Variants in MAP3K1 observed in about 807,000 individuals in gnomAD.
The protein encoded by MAP3K1 is mitogen-activated protein kinase kinase kinase 1, also known as MAP/ERK kinase kinase 1.
A neutral mutation model predicts 144.2 loss-of-function variants in MAP3K1; 36 were observed. The ratio of observed to expected loss-of-function variants is 0.25; its 90% CI spans 0.19 to 0.33. The LOEUF (loss-of-function observed/expected upper bound fraction) is 0.33. Among genes scored for constraint, MAP3K1 ranks in the 10% least tolerant of loss-of-function variants. The probability of loss-of-function intolerance (pLI) is 1.00; values close to 1 mark genes in which losing one functional copy is unlikely to be tolerated. For missense variants in MAP3K1, 1,650 were observed against 1,881.9 expected (o/e 0.88, Z 2.28); for synonymous variants, 718 against 688.7 (o/e 1.04, Z -0.67).
chr5:56,864,662 C>T lies in MAP3K1; in HGVS notation c.835-72C>T, dbSNP rs1213733162. ...TGCTGGGATTACAGGCGTGAGCCAC[C>T]ATGCCTGACCGGATAATAGTTTCTT... is the stretch of plus-strand genomic sequence containing the variant. On this transcript the variant is annotated intron_variant, in intron 3 of 19. Coordinates refer to ENST00000399503, the MANE Select transcript of MAP3K1 (RefSeq NM_005921.2). 3.9e-6 allele frequency: 6 copies of T among 1,540,126 alleles called. No homozygotes were observed. In the East Asian group the frequency reaches 1.1e-4, roughly 29 times the overall value.
At chr5:56,816,593 C>G (rs1394908429) in intron 1 of MAP3K1, among the ~76,000 whole-genome samples, 1 of 152,130 alleles carries the variant, frequency 6.6e-6, no homozygotes, top group Admixed American at 6.5e-5. Context: ...GGCAGAGCCC[C>G]TCGGCCCGCC....
chr5:56,822,926 G>T (rs2111753162), intron 1 of MAP3K1, among the ~76,000 whole-genome samples: 1 of 152,266 alleles, frequency 6.6e-6, no homozygotes, highest in East Asian at 1.9e-4. Flanking sequence ...GGTGCTGGCA[G>T]TTTGACCTGT....
chr5:56,887,292 C>G, intron 17 of MAP3K1, 86 bp from the exon 18 acceptor site: 1 of 1,251,160 alleles, frequency 8.0e-7, no homozygotes. Context: ...TTGTCATTGT[C>G]CTAGTTCATT....
chr5:56,884,825 A>C lies in MAP3K1; in HGVS notation c.3981A>C (p.Ala1327=), dbSNP rs55996536. The C allele has an allele frequency of 8.1e-6, 13 of 1,613,306 alleles. No individual in the cohort carries two copies. The East Asian group carries it at 2.2e-4, about 28-fold the overall frequency. Residue 1327 remains alanine, a splice_region_variant and synonymous_variant, in exon 16 of 20, where the codon GCA becomes GCC. Coordinates refer to ENST00000399503, the MANE Select transcript of MAP3K1 (RefSeq NM_005921.2). Reference sequence around the variant, plus strand: ...ACAATCTCTTCATTGAATGGATGGCAGGTATGTTAATGTTTTAAATTACAA... The same window carrying C: ...ACAATCTCTTCATTGAATGGATGGCCGGTATGTTAATGTTTTAAATTACAA... The part of the protein sequence containing the change: ...SNYNLFIEWM[A]GGSVAHLLSK...
At position 56,874,246 on chromosome 5, in the gene MAP3K1, T is replaced by G. The variant is rs79874841; in HGVS notation, c.1687-786T>G. Among the ~76,000 whole-genome samples the G allele has an allele frequency of 7.5e-3, 1,143 of 152,316 alleles. 12 individuals carry two copies. Among genetic ancestry groups the G allele is most frequent in the African/African-American group, 0.026 (1,076 of 41,554 alleles). ...GTTGTGTTTATTCATCTTTAATATT[T>G]AGGCATTTTTCACATAATGAATTAT... On this transcript the variant is annotated intron_variant, in intron 9 of 19. Coordinates refer to ENST00000399503, the MANE Select transcript of MAP3K1 (RefSeq NM_005921.2).
chr5:56,870,155 C>G (rs1747808555), intron 6 of MAP3K1, among the ~76,000 whole-genome samples: 1 of 152,030 alleles, frequency 6.6e-6, no homozygotes, highest in South Asian at 2.1e-4. Context: ...GCAAAAACCG[C>G]AATTACTTTT....
chr5:56,850,327 C>T (rs1336543343), intron 1 of MAP3K1, among the ~76,000 whole-genome samples: 4 of 152,032 alleles, frequency 2.6e-5, no homozygotes, highest in Non-Finnish European at 5.9e-5. Flanking sequence ...CCTTGAAGTT[C>T]CTTGGACACC....
chr5:56,871,281 G>A (rs1478813717), intron 6 of MAP3K1, among the ~76,000 whole-genome samples: 1 of 152,018 alleles, frequency 6.6e-6, no homozygotes, highest in African/African-American at 2.4e-5. Flanking sequence ...GCATTCATTT[G>A]GTTGTTTTGA....
chr5:56,849,068 C>T (rs932738901), intron 1 of MAP3K1, among the ~76,000 whole-genome samples: 1 of 152,102 alleles, frequency 6.6e-6, no homozygotes, highest in African/African-American at 2.4e-5. Context: ...TGATTTCAAC[C>T]GGGTGCAGTG....
intron 1 of MAP3K1, among the ~76,000 whole-genome samples, chr5:56,835,036 A>T (rs918654995): frequency 4.6e-5 from 7 of 152,180 alleles, no homozygotes; most frequent in Non-Finnish European, 1.0e-4. Flanking sequence ...GTTTCTCTCC[A>T]ATGGAACCTT....
chr5:56,848,915 G>A (rs1033960081), intron 1 of MAP3K1, among the ~76,000 whole-genome samples: 1 of 152,110 alleles, frequency 6.6e-6, no homozygotes, highest in Admixed American at 6.5e-5. Flanking sequence ...CTGTTGATGT[G>A]GTTAATCAGA....
intron 1 of MAP3K1, among the ~76,000 whole-genome samples, chr5:56,821,753 T>A (rs1350592421): frequency 6.6e-6 from 1 of 152,210 alleles, no homozygotes; most frequent in Non-Finnish European, 1.5e-5. Context: ...ACTGGTCTTA[T>A]GGTATTCTGA....
At chr5:56,827,793 G>A (rs1036961637) in intron 1 of MAP3K1, among the ~76,000 whole-genome samples, 1 of 152,090 alleles carries the variant, frequency 6.6e-6, no homozygotes, top group African/African-American at 2.4e-5. Context: ...GAAACTGGAA[G>A]GCAGAGGTTG....
intron 1 of MAP3K1, among the ~76,000 whole-genome samples, chr5:56,818,617 T>G (rs1195731926): frequency 6.6e-6 from 1 of 152,166 alleles, no homozygotes; most frequent in Non-Finnish European, 1.5e-5. Flanking sequence ...GCCCAAGGGT[T>G]TGGAATTTTT....
At chr5:56,863,838 AC>A (rs1394671385) in intron 3 of MAP3K1, among the ~76,000 whole-genome samples, 3 of 152,192 alleles carry the variant, frequency 2.0e-5, no homozygotes, top group Non-Finnish European at 2.9e-5. Flanking sequence ...TGGAATTTCC[AC>A]TGGACATTGA....
rs59220488 is a variant in MAP3K1, at chr5:56,849,985, C to T, written c.483-6615C>T. 7.4e-3 allele frequency among the ~76,000 whole-genome samples: 1,121 copies of T among 152,278 alleles called. 13 individuals carry two copies. The highest frequency in any genetic ancestry group is 0.025 in the African/African-American group (1,056 of 41,538). On this transcript the variant is annotated intron_variant, in intron 1 of 19. Coordinates refer to ENST00000399503, the MANE Select transcript of MAP3K1 (RefSeq NM_005921.2). ...CTGTAAAATGGAGTAGTAAGAGCCG[C>T]GTCTCAAGAGAATTGACTGAGTAAC...
At chr5:56,817,925 C>T (rs1038802421) in intron 1 of MAP3K1, among the ~76,000 whole-genome samples, 1 of 152,168 alleles carries the variant, frequency 6.6e-6, no homozygotes, top group African/African-American at 2.4e-5. Context: ...AATTTAGGGA[C>T]TAAGTAATCC....
Position 56,871,911 on chromosome 5 carries a change from A to T in MAP3K1, c.1303A>T (p.Ile435Leu). 6.2e-7 allele frequency: 1 copy of T among 1,613,866 alleles called. No homozygotes were observed. Among genetic ancestry groups the T allele is most frequent in the African/African-American group, 1.3e-5 (1 of 75,042 alleles). The change falls in exon 7 of 20, where the codon ATA becomes TTA. Residue 435 changes from isoleucine to leucine, a missense_variant and splice_region_variant. Ile to Leu is a conservative substitution (Grantham distance 5). This residue lies in a region of MAP3K1 where 125 missense variants were observed against 179.9 expected (regional missense o/e 0.69). Coordinates refer to ENST00000399503, the MANE Select transcript of MAP3K1 (RefSeq NM_005921.2). ...STSTSSSENS[I>L]KDEEEQMCPI... ...ACTTTTTCTTCCCCTTTTCTATAGC[A>T]TAAAGGATGAAGAGGAACAGATGTG... is the stretch of plus-strand genomic sequence containing the variant.
chr5:56,881,410 G>A lies in MAP3K1; in HGVS notation c.2369+138G>A, dbSNP rs1348653983. The A allele has an allele frequency of 3.0e-6, 3 of 993,122 alleles. No homozygotes were observed. The East Asian group carries it at 7.7e-5, about 26-fold the overall frequency. The allele number at this position is 993,122 out of a possible 1,614,324, so 61.5% of individuals were successfully genotyped here. On this transcript the variant is annotated intron_variant, in intron 13 of 19. Coordinates refer to ENST00000399503, the MANE Select transcript of MAP3K1 (RefSeq NM_005921.2). ...ATACCTTAATATTTGATTGACATAT[G>A]AAAACCCAAAGTCTGGGCTCTTTAA...
Sources: allele counts gnomAD v4.1 joint callset (sites outside exome capture counted in the v4.1 genomes callset), GRCh38; gene constraint gnomAD v4.1.1; regional missense constraint gnomAD v4.1.1; transcripts MANE v1.5; gene names NCBI Gene and HGNC (gene_info 2026-07-23, HGNC 2026-07-21).